The following KCNK2 variants were observed in gnomAD, a reference collection of about 807,000 sequenced individuals.
KCNK2 encodes the protein potassium two pore domain channel subfamily K member 2, also known as potassium channel subfamily K member 2.
KCNK2 carries 21 observed loss-of-function variants against 40.5 expected under a neutral mutation model. That is an observed-to-expected ratio of 0.52 (90% confidence interval 0.37 to 0.75). KCNK2 has a LOEUF of 0.75. Ranked by LOEUF, KCNK2 falls within the 30% of genes least tolerant of loss-of-function variation. The pLI is 0.00. For synonymous variants in KCNK2, 191 were observed against 202.2 expected (o/e 0.94, Z 0.47); for missense variants, 399 against 531.6 (o/e 0.75, Z 2.45).
chr1:215,188,792 C>T (rs775744358), intron 5 of KCNK2, among the ~76,000 whole-genome samples: 56 of 152,126 alleles, frequency 3.7e-4, no homozygotes, highest in Non-Finnish European at 2.9e-4. Context: ...TGTTGAAGAG[C>T]AGTCATTACC....
intron 2 of KCNK2, among the ~76,000 whole-genome samples, chr1:215,087,313 A>T (rs1659489275): frequency 6.6e-6 from 1 of 152,258 alleles, no homozygotes; most frequent in African/African-American, 2.4e-5. Flanking sequence ...CCCCCAGCTA[A>T]GAGAAATTTA....
chr1:215,162,519 G>A (rs1017543913), intron 3 of KCNK2, among the ~76,000 whole-genome samples: 2 of 152,134 alleles, frequency 1.3e-5, no homozygotes, highest in Non-Finnish European at 2.9e-5. Flanking sequence ...GAATGGTATT[G>A]CCTAGGTTTT....
intron 3 of KCNK2, among the ~76,000 whole-genome samples, chr1:215,130,682 A>T (rs1649695793): frequency 6.6e-6 from 1 of 152,150 alleles, no homozygotes; most frequent in African/African-American, 2.4e-5. Flanking sequence ...CAGACTTGTT[A>T]ATCTATTAAT....
chr1:215,126,405 CA>C (rs1182839837), intron 3 of KCNK2, among the ~76,000 whole-genome samples: 2 of 152,062 alleles, frequency 1.3e-5, no homozygotes, highest in Non-Finnish European at 2.9e-5. Context: ...ACCATAATAA[CA>C]GGTTAAGTTT....
At chr1:215,172,305 A>G (rs1663750741) in intron 5 of KCNK2, 122 bp downstream of exon 5, 1 of 827,294 alleles carries the variant, frequency 1.2e-6, no homozygotes, top group Admixed American at 2.5e-5. Flanking sequence ...ATACCCAAGT[A>G]CCATAAAGTG....
At chr1:215,217,684 C>T (rs937753040) in intron 6 of KCNK2, among the ~76,000 whole-genome samples, 7 of 152,104 alleles carry the variant, frequency 4.6e-5, no homozygotes, top group African/African-American at 1.7e-4. Context: ...AATAGAATTT[C>T]CAATATGAAT....
At chr1:215,093,573 T>C (rs1268454321) in intron 2 of KCNK2, among the ~76,000 whole-genome samples, 1 of 107,126 alleles carries the variant, frequency 9.3e-6, no homozygotes, top group Non-Finnish European at 1.7e-5. Flanking sequence ...ATATAATATA[T>C]AGTATATATA....
At chr1:215,067,380 C>T (rs1167573866) in intron 1 of KCNK2, among the ~76,000 whole-genome samples, 1 of 152,088 alleles carries the variant, frequency 6.6e-6, no homozygotes, top group Non-Finnish European at 1.5e-5. Context: ...ATGCATTAGA[C>T]ATTGAGAACA....
chr1:215,177,479 T>C (rs1047551643), intron 5 of KCNK2, among the ~76,000 whole-genome samples: 2 of 151,956 alleles, frequency 1.3e-5, no homozygotes, highest in Admixed American at 6.6e-5. Flanking sequence ...AGGATTCTTA[T>C]AGTTTGAGGT....
chr1:215,086,752 G>C (rs573524669), intron 2 of KCNK2, 74 bp downstream of exon 2: 1 of 1,378,278 alleles, frequency 7.3e-7, no homozygotes, highest in East Asian at 2.3e-5. Flanking sequence ...ACAACTTGTA[G>C]CCCAGTGTAT....
intron 6 of KCNK2, among the ~76,000 whole-genome samples, chr1:215,198,756 A>T (rs1664967487): frequency 6.6e-6 from 1 of 152,188 alleles, no homozygotes; most frequent in Admixed American, 6.5e-5. Context: ...AAAAACACTA[A>T]ACATTTTTGA....
At chr1:215,024,979 CAG>C (rs1656953442) in intron 1 of KCNK2, among the ~76,000 whole-genome samples, 1 of 127,820 alleles carries the variant, frequency 7.8e-6, no homozygotes, top group Non-Finnish European at 1.6e-5. Flanking sequence ...TGAGATAAAA[CAG>C]TGTTACACAC....
In KCNK2 at chr1:215,155,548, C is replaced by G. The variant is rs1662879314; in HGVS notation, c.476-13651C>G. Among the ~76,000 whole-genome samples the G allele has an allele frequency of 2.0e-5, 3 of 152,124 alleles. No homozygotes were observed. In the South Asian group the frequency reaches 6.2e-4, roughly 32 times the overall value. ...TTCATTTATTTATTTAGAGACCGAG[C>G]CTTGCTCTGTCGCCAGGCTGGAGTG... On this transcript the variant is annotated intron_variant, in intron 3 of 6. Transcript: ENST00000444842.
At chr1:215,199,740 A>G (rs1665007226) in intron 6 of KCNK2, among the ~76,000 whole-genome samples, 1 of 152,200 alleles carries the variant, frequency 6.6e-6, no homozygotes. Context: ...TATTCTGGAT[A>G]ATACAATAAT....
intron 2 of KCNK2, among the ~76,000 whole-genome samples, chr1:215,092,866 A>T (rs557404166): frequency 2.0e-5 from 3 of 152,076 alleles, no homozygotes; most frequent in South Asian, 2.1e-4. Context: ...ATAAAGTGAT[A>T]CTCTTGGTTA....
chr1:215,138,802 C>T (rs182720263), intron 3 of KCNK2, among the ~76,000 whole-genome samples: 1 of 152,158 alleles, frequency 6.6e-6, no homozygotes. Context: ...CAAATCACTT[C>T]GCATACACTC....
At chr1:215,006,997 CTATATATATATATATA>C (rs199497700) in intron 1 of KCNK2, among the ~76,000 whole-genome samples, 9 of 81,698 alleles carry the variant, frequency 1.1e-4, no homozygotes, top group African/African-American at 3.9e-4. Context: ...GACCAATTCA[CTATATATATATATATA>C]TATATATATA....
chr1:215,221,216 A>G (rs1233863712), intron 6 of KCNK2, among the ~76,000 whole-genome samples: 3 of 152,200 alleles, frequency 2.0e-5, no homozygotes, highest in Non-Finnish European at 4.4e-5. Context: ...TCTACTAAAA[A>G]TACAAAAAGT....
At chr1:215,197,952 T>A (rs1276199834) in intron 6 of KCNK2, among the ~76,000 whole-genome samples, 3 of 152,056 alleles carry the variant, frequency 2.0e-5, no homozygotes, top group Non-Finnish European at 4.4e-5. Flanking sequence ...TGAGCAGAGA[T>A]GGCGCTACTG....
Sources: gnomAD v4.1 joint callset for allele counts (sites outside exome capture counted in the v4.1 genomes callset) on GRCh38, gnomAD v4.1.1 for gene constraint, MANE v1.5 for transcripts, NCBI Gene and HGNC (gene_info 2026-07-23, HGNC 2026-07-21) for gene names.